Variants in BTG3 observed in about 807,000 individuals in gnomAD.
BTG3 encodes protein BTG3.
BTG3 carries 4 observed loss-of-function variants against 25.8 expected under a neutral mutation model. The observed-to-expected ratio is 0.16, with a 90% CI of 0.08 to 0.36. The LOEUF is 0.36. BTG3 is among the 10% of genes least tolerant of loss of function. The probability of loss-of-function intolerance (pLI) is 1.00; values close to 1 mark genes in which losing one functional copy is unlikely to be tolerated. For missense variants in BTG3, 201 were observed against 304.9 expected, an observed-to-expected ratio of 0.66 and a Z score of 2.54; for synonymous variants, 107 against 99.9, an observed-to-expected ratio of 1.07 and a Z score of -0.42.
chr21:17,595,003 T>TA (rs533634736), intron 4 of BTG3, among the ~76,000 whole-genome samples: 3,842 of 140,288 alleles, frequency 0.027, 163 homozygotes, highest in African/African-American at 0.088. Flanking sequence ...AAATAAAAGT[T>TA]AAAAAAAAAA....
At chr21:17,610,927 T>C (rs2061712314) in intron 1 of BTG3, among the ~76,000 whole-genome samples, 1 of 151,940 alleles carries the variant, frequency 6.6e-6, no homozygotes. Context: ...AAATAAATTC[T>C]ACACAGTTAT....
intron 4 of BTG3, 98 bp from the exon 5 acceptor site, chr21:17,594,430 T>C: frequency 7.2e-7 from 1 of 1,380,926 alleles, no homozygotes; most frequent in Non-Finnish European, 9.9e-7. Context: ...CCCACAACAC[T>C]GAGATCACAT....
chr21:17,598,683 T>C lies in BTG3; in HGVS notation c.453A>G (p.Glu151=). ...TCACTTCCATTTCCTTACTTGTTTCTTCATCTGAAGAAGAGGATCCTGAAT... is the reference window on the plus strand; with the variant it reads ...TCACTTCCATTTCCTTACTTGTTTCCTCATCTGAAGAAGAGGATCCTGAAT... The part of the protein sequence containing the change: ...DYHSGSSSSD[E]ETSKEMEVKP... Residue 151 remains glutamate, a synonymous_variant, in exon 4 of 5, where the codon GAA becomes GAG. Coordinates refer to ENST00000348354, the MANE Select transcript of BTG3 (RefSeq NM_006806.5). The C allele has an allele frequency of 1.2e-6, 2 of 1,614,188 alleles. No homozygotes were observed. The highest frequency in any genetic ancestry group is 1.7e-6 in the Non-Finnish European group (2 of 1,180,028).
rs1021461836 is a variant in BTG3 at position 17,595,357 on chromosome 21, A to G, written c.520-1025T>C. 2.2e-4 allele frequency among the ~76,000 whole-genome samples: 34 copies of G among 152,056 alleles called. No individual in the cohort carries two copies. In the East Asian group the frequency reaches 3.9e-3, roughly 17 times the overall value. ...ATTGCATTCATGATAGAAAATTCAA[A>G]AAGTACAAAAGGGTAAACTGTGGAA... On this transcript the variant is annotated intron_variant, in intron 4 of 4. Coordinates refer to ENST00000348354, the MANE Select transcript of BTG3 (RefSeq NM_006806.5).
chr21:17,611,318 C>T (rs572676974), intron 1 of BTG3, among the ~76,000 whole-genome samples: 3 of 152,296 alleles, frequency 2.0e-5, no homozygotes, highest in South Asian at 4.1e-4. Flanking sequence ...TTAACTAGAT[C>T]TTTCTCCTCA....
chr21:17,595,199 CAA>C (rs1481983234), intron 4 of BTG3, among the ~76,000 whole-genome samples: 1 of 152,018 alleles, frequency 6.6e-6, no homozygotes, highest in Non-Finnish European at 1.5e-5. Flanking sequence ...TCACATTATT[CAA>C]AGTGTTCTTA....
At position 17,593,685 on chromosome 21, in the gene BTG3, CATG is replaced by C. The variant is rs146798740; in HGVS notation, c.*405_*407del. On this transcript the variant is annotated 3_prime_UTR_variant, in exon 5 of 5. Transcript: ENST00000348354. Reference sequence around the variant, plus strand: ...TCAAACTATTTTTTATTTGCAACTACATGATTTCACACAATTCTCTTAAACAAC... The same window carrying C: ...TCAAACTATTTTTTATTTGCAACTACATTTCACACAATTCTCTTAAACAAC... 5.4e-3 allele frequency: 891 copies of C among 165,638 alleles called. 4 individuals carry two copies. The highest frequency in any genetic ancestry group is 7.7e-3 in the Non-Finnish European group (599 of 77,412). 10.3% of individuals were successfully genotyped at this position (165,638 alleles called of 1,614,324 possible).
intron 2 of BTG3, among the ~76,000 whole-genome samples, chr21:17,605,959 G>A (rs1261878701): frequency 6.6e-6 from 1 of 152,096 alleles, no homozygotes; most frequent in East Asian, 1.9e-4. Flanking sequence ...TAATTACGCT[G>A]TAAAATACAA....
At chr21:17,599,547 G>A (rs550457125) in intron 3 of BTG3, among the ~76,000 whole-genome samples, 13 of 146,874 alleles carry the variant, frequency 8.9e-5, no homozygotes, top group Non-Finnish European at 1.5e-4. Context: ...GTGCAATCTC[G>A]GCCCACTACA....
At chr21:17,594,498 C>A (rs1428040127) in intron 4 of BTG3, among the ~76,000 whole-genome samples, 166 bp from the exon 5 acceptor site, 1 of 151,946 alleles carries the variant, frequency 6.6e-6, no homozygotes, top group African/African-American at 2.4e-5. Context: ...GTGTAATAGG[C>A]GTATAATGTA....
intron 4 of BTG3, among the ~76,000 whole-genome samples, chr21:17,597,200 A>G (rs992879489): frequency 1.5e-4 from 23 of 152,092 alleles, no homozygotes; most frequent in Non-Finnish European, 4.4e-5. Flanking sequence ...ATGCAATTTA[A>G]TTTTAAAAGA....
chr21:17,605,182 A>G (rs2061622874), intron 2 of BTG3, 185 bp from the exon 3 acceptor site: 1 of 621,686 alleles, frequency 1.6e-6, no homozygotes, highest in East Asian at 3.2e-5. Flanking sequence ...AGGCAGCCTG[A>G]AAAAAAGATG....
chr21:17,598,951 A>G lies in BTG3; in HGVS notation c.312-127T>C, dbSNP rs1248350921. ...AAAGATTGAATCATCACAGAACTTGACCCTACACATTTAATATCCTAATAC... is the reference window on the plus strand; with the variant it reads ...AAAGATTGAATCATCACAGAACTTGGCCCTACACATTTAATATCCTAATAC... On this transcript the variant is annotated intron_variant, in intron 3 of 4. Coordinates refer to ENST00000348354, the MANE Select transcript of BTG3 (RefSeq NM_006806.5). The G allele has an allele frequency of 7.0e-6, 5 of 718,372 alleles. No individual in the cohort carries two copies. The Admixed American group carries it at 1.2e-4, about 17-fold the overall frequency. The allele number at this position is 718,372 out of a possible 1,614,324, so 44.5% of individuals were successfully genotyped here. A position where few individuals can be genotyped will look rare whatever the true frequency, so the allele number is the denominator to read the frequency against.
At chr21:17,597,513 G>A (rs1000334121) in intron 4 of BTG3, among the ~76,000 whole-genome samples, 14 of 151,826 alleles carry the variant, frequency 9.2e-5, no homozygotes, top group African/African-American at 3.4e-4. Context: ...AAAAAAACCT[G>A]GTAATGAATG....
intron 2 of BTG3, 30 bp from the exon 3 acceptor site, chr21:17,605,027 T>C: frequency 6.2e-7 from 1 of 1,604,196 alleles, no homozygotes; most frequent in South Asian, 1.1e-5. Context: ...CGTTAATGGA[T>C]TTAAATGAAT....
In BTG3 at chr21:17,593,827, G is replaced by C; in HGVS notation, c.*266C>G. On this transcript the variant is annotated 3_prime_UTR_variant, in exon 5 of 5. Coordinates refer to ENST00000348354, the MANE Select transcript of BTG3 (RefSeq NM_006806.5). ...CTACAGTGTTCTCGTATCCAACAGAGTTGATGCACAATATATAAATACTCA... is the reference window on the plus strand; with the variant it reads ...CTACAGTGTTCTCGTATCCAACAGACTTGATGCACAATATATAAATACTCA... The C allele has an allele frequency of 2.5e-6, 1 of 405,406 alleles. No homozygotes were observed. The highest frequency in any genetic ancestry group is 4.4e-6 in the Non-Finnish European group (1 of 229,604). 25.1% of individuals were successfully genotyped at this position (405,406 alleles called of 1,614,324 possible). A position where few individuals can be genotyped will look rare whatever the true frequency, so the allele number is the denominator to read the frequency against.
chr21:17,597,387 G>GA (rs970374318), intron 4 of BTG3, among the ~76,000 whole-genome samples: 6 of 150,294 alleles, frequency 4.0e-5, no homozygotes, highest in Non-Finnish European at 3.0e-5. Flanking sequence ...ATCACACAGA[G>GA]AAAAAAAATG....
At chr21:17,605,735 T>C (rs1443774295) in intron 2 of BTG3, among the ~76,000 whole-genome samples, 1 of 152,176 alleles carries the variant, frequency 6.6e-6, no homozygotes, top group Non-Finnish European at 1.5e-5. Context: ...AAATAAAAAA[T>C]ATGCATTCTG....
intron 3 of BTG3, among the ~76,000 whole-genome samples, chr21:17,602,734 GT>G (rs1260577615): frequency 1.3e-5 from 2 of 152,140 alleles, no homozygotes; most frequent in African/African-American, 4.8e-5. Flanking sequence ...CAAAGTAGCA[GT>G]TTTTTCCTAC....
Sources: allele counts gnomAD v4.1 joint callset (sites outside exome capture counted in the v4.1 genomes callset), GRCh38; gene constraint gnomAD v4.1.1; transcripts MANE v1.5; gene names NCBI Gene and HGNC (gene_info 2026-07-23, HGNC 2026-07-21).